Variants in MTA3 observed in about 807,000 individuals in gnomAD.
MTA3 encodes the protein metastasis associated 1 family member 3, also known as metastasis-associated protein MTA3.
In MTA3, 34 loss-of-function variants were observed where a neutral mutation model predicts 83.5. The ratio of observed to expected loss-of-function variants is 0.41; its 90% CI spans 0.31 to 0.54. MTA3 has a LOEUF of 0.54. Among genes scored for constraint, MTA3 ranks in the 20% least tolerant of loss-of-function variants. The probability of loss-of-function intolerance (pLI) is 0.33; values close to 1 mark genes in which losing one functional copy is unlikely to be tolerated. For missense variants in MTA3, 761 were observed against 726.4 expected, an observed-to-expected ratio of 1.05 and a Z score of -0.55; for synonymous variants, 303 against 252.7, an observed-to-expected ratio of 1.20 and a Z score of -1.89.
At chr2:42,633,390 G>A (rs2104267537) in intron 4 of MTA3, among the ~76,000 whole-genome samples, 1 of 151,780 alleles carries the variant, frequency 6.6e-6, no homozygotes, top group Admixed American at 6.6e-5. Context: ...ACCAGTCTGG[G>A]CAACATGGTG....
chr2:42,702,951 T>C (rs1458030459), intron 11 of MTA3: 1 of 152,398 alleles, frequency 6.6e-6, no homozygotes, highest in African/African-American at 2.4e-5. Flanking sequence ...GGTAGATGTC[T>C]CTTCCCCTCC....
chr2:42,600,296 T>C (rs1558480793), intron 3 of MTA3, among the ~76,000 whole-genome samples: 3 of 152,110 alleles, frequency 2.0e-5, no homozygotes, highest in Admixed American at 6.6e-5. Context: ...AGAAGAAATT[T>C]GTTAGTGAAG....
chr2:42,653,832 G>T (rs1040892099), intron 6 of MTA3, among the ~76,000 whole-genome samples: 9 of 152,066 alleles, frequency 5.9e-5, no homozygotes, highest in African/African-American at 2.2e-4. Context: ...CAACAGAAGG[G>T]GCTTAAGACT....
intron 2 of MTA3, among the ~76,000 whole-genome samples, chr2:42,505,957 G>A (rs1452692923): frequency 1.3e-5 from 2 of 151,548 alleles, no homozygotes; most frequent in African/African-American, 2.4e-5. Context: ...TTAATAGAGC[G>A]TTTCACCGTG....
At chr2:42,717,217 G>T (rs959249043) in intron 14 of MTA3, among the ~76,000 whole-genome samples, 6 of 135,038 alleles carry the variant, frequency 4.4e-5, no homozygotes, top group Admixed American at 1.7e-4. Context: ...TTCCAGACTT[G>T]CACATTTTAA....
At chr2:42,561,442 C>T (rs375551550) in intron 2 of MTA3, among the ~76,000 whole-genome samples, 1 of 152,046 alleles carries the variant, frequency 6.6e-6, no homozygotes, top group African/African-American at 2.4e-5. Context: ...CCTGCCTCAG[C>T]CTTCTGAGTA....
chr2:42,638,988 G>C (rs1197684252), intron 4 of MTA3, among the ~76,000 whole-genome samples: 1 of 150,918 alleles, frequency 6.6e-6, no homozygotes, highest in East Asian at 1.9e-4. Flanking sequence ...TTTTGCTCTT[G>C]GTAATTTTTT....
At chr2:42,663,852 G>C (rs1363835879) in intron 8 of MTA3, among the ~76,000 whole-genome samples, 5 of 152,132 alleles carry the variant, frequency 3.3e-5, no homozygotes. Context: ...TATCTCTCCT[G>C]TTTTGTTTCC....
At chr2:42,546,460 G>A (rs188938532) in intron 2 of MTA3, among the ~76,000 whole-genome samples, 44 of 151,980 alleles carry the variant, frequency 2.9e-4, no homozygotes, top group Non-Finnish European at 4.4e-4. Context: ...TCCAGGGGTG[G>A]TCATCCCCTG....
At chr2:42,674,294 C>A (rs1558569314) in intron 8 of MTA3, among the ~76,000 whole-genome samples, 1 of 152,190 alleles carries the variant, frequency 6.6e-6, no homozygotes, top group Non-Finnish European at 1.5e-5. Context: ...GAACAATAGT[C>A]CAATCTACCC....
At chr2:42,734,099 G>A (rs1047140319) in intron 16 of MTA3, among the ~76,000 whole-genome samples, 2 of 152,082 alleles carry the variant, frequency 1.3e-5, no homozygotes, top group African/African-American at 4.8e-5. Flanking sequence ...CTGTCTGGAC[G>A]ATGTGTTCAT....
In MTA3 at chr2:42,662,290, T is replaced by C. The variant is rs1689793539; in HGVS notation, c.702+2428T>C. ...TTTCACACATATCCCTTTGTGAGCA[T>C]GTGTGTGAGTTTTTAGGCTATAACT... On this transcript the variant is annotated intron_variant, in intron 8 of 16. Coordinates refer to ENST00000405094, the MANE Select transcript of MTA3 (RefSeq NM_001330442.2). Among the ~76,000 whole-genome samples the C allele has an allele frequency of 2.0e-5, 3 of 152,004 alleles. No individual in the cohort carries two copies. The South Asian group carries it at 6.2e-4, about 31-fold the overall frequency.
At chr2:42,752,964 G>C (rs1669995935) in intron 16 of MTA3, among the ~76,000 whole-genome samples, 1 of 148,134 alleles carries the variant, frequency 6.8e-6, no homozygotes, top group Admixed American at 6.8e-5. Context: ...TTGCTCTGTC[G>C]CCTGGGCTGG....
chr2:42,697,407 T>G (rs898626258), intron 10 of MTA3, among the ~76,000 whole-genome samples: 5 of 151,644 alleles, frequency 3.3e-5, no homozygotes, highest in South Asian at 2.1e-4. Flanking sequence ...AGAGTGAGAG[T>G]GTGTGTGTTT....
At chr2:42,604,440 C>G (rs534081706) in intron 3 of MTA3, among the ~76,000 whole-genome samples, 23 of 152,260 alleles carry the variant, frequency 1.5e-4, no homozygotes, top group Admixed American at 1.4e-3. Context: ...AAAAATAAAG[C>G]CCCTTTTACA....
At chr2:42,693,237 C>T (rs896253218) in intron 9 of MTA3, among the ~76,000 whole-genome samples, 1 of 152,178 alleles carries the variant, frequency 6.6e-6, no homozygotes, top group Non-Finnish European at 1.5e-5. Flanking sequence ...TAACTGCTCA[C>T]TTGCTACCAC....
intron 6 of MTA3, among the ~76,000 whole-genome samples, chr2:42,649,272 C>T (rs1256413701): frequency 1.3e-5 from 2 of 152,056 alleles, no homozygotes; most frequent in Non-Finnish European, 2.9e-5. Context: ...TGGCGGGTGC[C>T]TGTAATCTCA....
intron 1 of MTA3, chr2:42,569,470 T>G (rs956601239): frequency 1.3e-5 from 2 of 152,212 alleles, no homozygotes; most frequent in Non-Finnish European, 2.9e-5. Context: ...CACGACGCCC[T>G]CCTCCCTCTT....
intron 4 of MTA3, among the ~76,000 whole-genome samples, chr2:42,618,648 C>G (rs895785733): frequency 6.6e-6 from 1 of 152,052 alleles, no homozygotes; most frequent in Admixed American, 6.6e-5. Flanking sequence ...CGCTCTGTTG[C>G]CCAGGCTAGA....
Sources: gnomAD v4.1 joint callset for allele counts (sites outside exome capture counted in the v4.1 genomes callset) on GRCh38, gnomAD v4.1.1 for gene constraint, MANE v1.5 for transcripts, NCBI Gene and HGNC (gene_info 2026-07-23, HGNC 2026-07-21) for gene names.